The following CCNT2 variants were observed in gnomAD, a reference collection of about 807,000 sequenced individuals.
CCNT2 encodes the protein cyclin-T2.
A neutral mutation model predicts 70.0 loss-of-function variants in CCNT2; 18 were observed. The observed-to-expected ratio is 0.26, with a 90% CI of 0.18 to 0.38. The LOEUF is 0.38. Among genes scored for constraint, CCNT2 ranks in the 10% least tolerant of loss-of-function variants. The pLI is 1.00. For missense variants in CCNT2, 734 were observed against 890.2 expected (o/e 0.82, Z 2.23); for synonymous variants, 334 against 313.3 (o/e 1.07, Z -0.70).
chr2:134,951,311 A>G (rs1284535694), intron 7 of CCNT2, among the ~76,000 whole-genome samples: 1 of 152,136 alleles, frequency 6.6e-6, no homozygotes, highest in Non-Finnish European at 1.5e-5. Context: ...TTGAGGTGGA[A>G]TTGGCATTAT....
intron 2 of CCNT2, among the ~76,000 whole-genome samples, chr2:134,935,557 C>T (rs1043128316): frequency 6.6e-6 from 1 of 152,178 alleles, no homozygotes; most frequent in African/African-American, 2.4e-5. Context: ...TAGTGAGGCT[C>T]AAATGTTCAT....
At chr2:134,920,986 A>C (rs1338420168) in intron 2 of CCNT2, among the ~76,000 whole-genome samples, 1 of 152,094 alleles carries the variant, frequency 6.6e-6, no homozygotes, top group African/African-American at 2.4e-5. Flanking sequence ...TCTCTTGAAG[A>C]CTTCTTCTAT....
At chr2:134,933,509 G>A (rs1680929696) in intron 2 of CCNT2, among the ~76,000 whole-genome samples, 1 of 152,152 alleles carries the variant, frequency 6.6e-6, no homozygotes, top group South Asian at 2.1e-4. Context: ...AATGGAGAAG[G>A]AAGGGAGTCA....
chr2:134,957,449 T>A lies in CCNT2; in HGVS notation c.*2801T>A, dbSNP rs1378392417. On this transcript the variant is annotated 3_prime_UTR_variant, in exon 9 of 9. Coordinates refer to ENST00000264157, the MANE Select transcript of CCNT2 (RefSeq NM_058241.3). ...TTAAGTTGTGTTTTCCCTAGATCAC[T>A]GATTTGTTACCTTTACACAGAAGCA... is the stretch of plus-strand genomic sequence containing the variant. 6.6e-6 allele frequency: 1 copy of A among 152,236 alleles called. No individual in the cohort carries two copies. Among genetic ancestry groups the A allele is most frequent in the East Asian group, 1.9e-4 (1 of 5,204 alleles). 9.4% of individuals were successfully genotyped at this position (152,236 alleles called of 1,614,324 possible). A position where few individuals can be genotyped will look rare whatever the true frequency, so the allele number is the denominator to read the frequency against.
chr2:134,922,062 C>T (rs976304595), intron 2 of CCNT2, among the ~76,000 whole-genome samples: 1 of 152,160 alleles, frequency 6.6e-6, no homozygotes, highest in Non-Finnish European at 1.5e-5. Flanking sequence ...TTTCTTCCCC[C>T]CTGTTCTTTT....
chr2:134,933,484 G>A (rs1487837363), intron 2 of CCNT2, among the ~76,000 whole-genome samples: 2 of 152,034 alleles, frequency 1.3e-5, no homozygotes, highest in East Asian at 1.9e-4. Context: ...GCCAGGAGTG[G>A]GCAGGAGGAG....
At chr2:134,947,632 A>G in intron 6 of CCNT2, 104 bp from the exon 7 acceptor site, 1 of 735,838 alleles carries the variant, frequency 1.4e-6, no homozygotes, top group Non-Finnish European at 2.0e-6. Flanking sequence ...CTAGACTTAA[A>G]GATAGAGTTT....
rs557451615 is a variant in CCNT2, at chr2:134,953,335, G to T, written c.880G>T (p.Gly294Cys). 1 of 1,609,772 alleles carries T rather than the reference G, an allele frequency of 6.2e-7. No individual in the cohort carries two copies. Among genetic ancestry groups the T allele is most frequent in the African/African-American group, 1.3e-5 (1 of 74,782 alleles). The stretch of plus-strand genomic sequence containing the variant: ...TTCCATTTTAGTAGATAGTGTCACT[G>T]GTGTGCCTACAAACCCAAGTTTTCA... ...QNSILVDSVT[G>C]VPTNPSFQKP... The change falls in exon 9 of 9, where the codon GGT becomes TGT. Residue 294 changes from glycine to cysteine, a missense_variant. Around this residue, in one of 3 missense-constraint regions of CCNT2, gnomAD observed 532 missense variants for 556.9 expected, o/e 0.96. Coordinates refer to ENST00000264157, the MANE Select transcript of CCNT2 (RefSeq NM_058241.3).
At chr2:134,929,825 A>G (rs1680604277) in intron 2 of CCNT2, among the ~76,000 whole-genome samples, 1 of 150,974 alleles carries the variant, frequency 6.6e-6, no homozygotes, top group Non-Finnish European at 1.5e-5. Context: ...TAATTTTTGT[A>G]TTTTTAGTAA....
chr2:134,924,333 T>C (rs1213985012), intron 2 of CCNT2, among the ~76,000 whole-genome samples: 3 of 152,224 alleles, frequency 2.0e-5, no homozygotes, highest in Non-Finnish European at 4.4e-5. Flanking sequence ...AGTGGATTAT[T>C]ATAAAACAAC....
chr2:134,953,736 A>C lies in CCNT2; in HGVS notation c.1281A>C (p.Pro427=). 6.2e-7 allele frequency: 1 copy of C among 1,614,080 alleles called. No individual in the cohort carries two copies. Among genetic ancestry groups the C allele is most frequent in the Non-Finnish European group, 8.5e-7 (1 of 1,179,964 alleles). ...ACCATGGGCCAATTTCCACTACTCCAGGAATAATTCCTCAGAAAATGTCTT... is the reference window on the plus strand; with the variant it reads ...ACCATGGGCCAATTTCCACTACTCCCGGAATAATTCCTCAGAAAATGTCTT... ...SKHHGPISTT[P]GIIPQKMSLD... The change falls in exon 9 of 9, where the codon CCA becomes CCC. Residue 427 remains proline (P), a synonymous_variant. Coordinates refer to ENST00000264157, the MANE Select transcript of CCNT2 (RefSeq NM_058241.3).
chr2:134,931,108 G>A (rs1431533902), intron 2 of CCNT2, among the ~76,000 whole-genome samples: 1 of 151,586 alleles, frequency 6.6e-6, no homozygotes, highest in South Asian at 2.1e-4. Flanking sequence ...GACTACAGGT[G>A]CCTGCCGCCA....
intron 4 of CCNT2, among the ~76,000 whole-genome samples, chr2:134,940,190 G>C (rs74997024): frequency 0.23 from 35,078 of 152,016 alleles, 4,283 homozygotes; most frequent in East Asian, 0.4. Flanking sequence ...CAGACTCTTC[G>C]TTACAAAACT....
chr2:134,937,638 A>C (rs1458758417), intron 3 of CCNT2, among the ~76,000 whole-genome samples: 1 of 152,176 alleles, frequency 6.6e-6, no homozygotes, highest in Non-Finnish European at 1.5e-5. Flanking sequence ...ATTTTCGGCC[A>C]GGCACAGTGG....
chr2:134,930,780 T>C (rs926993294), intron 2 of CCNT2, among the ~76,000 whole-genome samples: 1 of 152,130 alleles, frequency 6.6e-6, no homozygotes, highest in African/African-American at 2.4e-5. Flanking sequence ...AGCACAAGCA[T>C]CCAGTTTATT....
intron 5 of CCNT2, chr2:134,944,905 C>G (rs559566662): frequency 1.8e-5 from 18 of 985,152 alleles, no homozygotes; most frequent in Non-Finnish European, 2.2e-5. Context: ...TTTTCCTTCT[C>G]TACGTATTTT....
At chr2:134,928,063 G>A (rs910619970) in intron 2 of CCNT2, among the ~76,000 whole-genome samples, 7 of 152,128 alleles carry the variant, frequency 4.6e-5, no homozygotes, top group African/African-American at 1.7e-4. Flanking sequence ...GTGACAATAT[G>A]CAGTTCAAGC....
In CCNT2 at chr2:134,957,459, C is replaced by G. The variant is rs1316793559; in HGVS notation, c.*2811C>G. 2 of 152,122 alleles carry G rather than the reference C, an allele frequency of 1.3e-5. No individual in the cohort carries two copies. The highest frequency in any genetic ancestry group is 2.9e-5 in the Non-Finnish European group (2 of 67,998). The allele number at this position is 152,122 out of a possible 1,614,324, so 9.4% of individuals were successfully genotyped here. A position where few individuals can be genotyped will look rare whatever the true frequency, so the allele number is the denominator to read the frequency against. Reference sequence around the variant, plus strand: ...TTTTCCCTAGATCACTGATTTGTTACCTTTACACAGAAGCACATTGCAAAG... The same window carrying G: ...TTTTCCCTAGATCACTGATTTGTTAGCTTTACACAGAAGCACATTGCAAAG... On this transcript the variant is annotated 3_prime_UTR_variant, in exon 9 of 9. Coordinates refer to ENST00000264157, the MANE Select transcript of CCNT2 (RefSeq NM_058241.3).
At chr2:134,921,301 T>C (rs1319168020) in intron 2 of CCNT2, among the ~76,000 whole-genome samples, 1 of 152,210 alleles carries the variant, frequency 6.6e-6, no homozygotes, top group African/African-American at 2.4e-5. Context: ...GGCATACTTT[T>C]GTACTTCCAA....
Sources: gnomAD v4.1 joint callset for allele counts (sites outside exome capture counted in the v4.1 genomes callset) on GRCh38, gnomAD v4.1.1 for gene constraint, gnomAD v4.1.1 regional missense constraint, MANE v1.5 for transcripts, NCBI Gene and HGNC (gene_info 2026-07-23, HGNC 2026-07-21) for gene names.